The following IGSF11 variants were observed in gnomAD, a reference collection of about 807,000 sequenced individuals.
The protein encoded by IGSF11 is immunoglobulin superfamily member 11, also known as CXADR like 1.
IGSF11 carries 22 observed loss-of-function variants against 41.0 expected under a neutral mutation model. The ratio of observed to expected loss-of-function variants is 0.54; its 90% CI spans 0.38 to 0.77. IGSF11 has a LOEUF of 0.77. Among genes scored for constraint, IGSF11 ranks in the 30% least tolerant of loss-of-function variants. The pLI is 0.00. For missense variants in IGSF11, 444 were observed against 530.8 expected (o/e 0.84, Z 1.61); for synonymous variants, 219 against 201.3 (o/e 1.09, Z -0.74).
chr3:119,033,942 A>G (rs938841687), intron 1 of IGSF11, among the ~76,000 whole-genome samples: 17 of 152,220 alleles, frequency 1.1e-4, no homozygotes, highest in African/African-American at 4.1e-4. Flanking sequence ...TAATATTGTT[A>G]TATTCTATGT....
At chr3:118,946,229 C>CATATAT (rs573595683) in intron 1 of IGSF11, among the ~76,000 whole-genome samples, 2 of 147,824 alleles carry the variant, frequency 1.4e-5, no homozygotes, top group African/African-American at 5.1e-5. Flanking sequence ...CACACACAAA[C>CATATAT]ATATATATAT....
At chr3:119,089,551 A>C (rs1394932977) in intron 1 of IGSF11, among the ~76,000 whole-genome samples, 2 of 152,172 alleles carry the variant, frequency 1.3e-5, no homozygotes, top group Non-Finnish European at 2.9e-5. Flanking sequence ...CCACTCCTAT[A>C]CAATATAGTA....
chr3:119,048,059 T>C lies in IGSF11; in HGVS notation c.49+57085A>G, dbSNP rs1159399515. Reference sequence around the variant, plus strand: ...AAGAGAAAGCAGGAAAGATCCAAAATTGACACCCTAACATCACAATTAAAA... The same window carrying C: ...AAGAGAAAGCAGGAAAGATCCAAAACTGACACCCTAACATCACAATTAAAA... On this transcript the variant is annotated intron_variant, in intron 1 of 6. Coordinates refer to the IGSF11 transcript ENST00000354673. Among the ~76,000 whole-genome samples the C allele has an allele frequency of 8.3e-4, 125 of 150,418 alleles. 2 individuals carry two copies. Among genetic ancestry groups the C allele is most frequent in the Non-Finnish European group, 1.0e-3 (70 of 67,100 alleles).
rs9834807 is a variant in IGSF11 at position 118,925,426 on chromosome 3, G to A, written c.580+675C>T. Among the ~76,000 whole-genome samples the A allele has an allele frequency of 5.0e-3, 768 of 152,244 alleles. 4 individuals carry two copies. Among genetic ancestry groups the A allele is most frequent in the Non-Finnish European group, 9.1e-3 (622 of 68,002 alleles). ...CTGTATTAGAGATGACGTAATATTC[G>A]AAGCTGCTAAATTTCATTTTCTTGA... On this transcript the variant is annotated intron_variant, in intron 4 of 6. Transcript: ENST00000393775.
At chr3:119,069,012 C>T (rs1286735482) in intron 1 of IGSF11, among the ~76,000 whole-genome samples, 3 of 150,382 alleles carry the variant, frequency 2.0e-5, no homozygotes, top group African/African-American at 4.9e-5. Context: ...CTGCAAGCTC[C>T]GCCTACCAGG....
intron 1 of IGSF11, among the ~76,000 whole-genome samples, chr3:119,144,979 T>C (rs1056690374): frequency 6.6e-6 from 1 of 152,234 alleles, no homozygotes; most frequent in African/African-American, 2.4e-5. Context: ...CAGTATCCAA[T>C]GGTGTCATGC....
intron 1 of IGSF11, among the ~76,000 whole-genome samples, chr3:119,052,982 C>G (rs771134215): frequency 1.3e-5 from 2 of 152,062 alleles, no homozygotes; most frequent in African/African-American, 2.4e-5. Context: ...AATCAGCATA[C>G]AAGGGACATA....
chr3:118,967,626 T>C (rs1433264205), intron 1 of IGSF11, among the ~76,000 whole-genome samples: 1 of 152,132 alleles, frequency 6.6e-6, no homozygotes, highest in East Asian at 1.9e-4. Context: ...AGAAATTCAG[T>C]AGGTCTCAGC....
chr3:119,087,278 A>G (rs1242099784), intron 1 of IGSF11, among the ~76,000 whole-genome samples: 1 of 152,164 alleles, frequency 6.6e-6, no homozygotes, highest in African/African-American at 2.4e-5. Context: ...ATACTTGCAC[A>G]TGCACGTTTA....
intron 6 of IGSF11, among the ~76,000 whole-genome samples, 171 bp downstream of exon 6, chr3:118,904,477 A>C (rs1004339831): frequency 2.0e-5 from 3 of 152,162 alleles, no homozygotes; most frequent in African/African-American, 7.2e-5. Flanking sequence ...CCAGTGAATA[A>C]AGCTGAGTAG....
intron 1 of IGSF11, among the ~76,000 whole-genome samples, chr3:119,114,257 T>A (rs1202002305): frequency 6.6e-6 from 1 of 152,202 alleles, no homozygotes; most frequent in Non-Finnish European, 1.5e-5. Flanking sequence ...AGAAAATGGG[T>A]TTTTCCTTTT....
At chr3:118,948,108 T>C (rs957836207) in intron 1 of IGSF11, 1 of 152,220 alleles carries the variant, frequency 6.6e-6, no homozygotes. Flanking sequence ...AGAAACATGC[T>C]GTGAAAGTGC....
At chr3:118,903,006 T>A in intron 6 of IGSF11, 45 bp from the exon 7 acceptor site, 3 of 1,521,272 alleles carry the variant, frequency 2.0e-6, no homozygotes, top group Non-Finnish European at 2.7e-6. Context: ...TACTTCAAGT[T>A]AATCCTATCC....
At chr3:118,971,802 C>CAA (rs11370113) in intron 1 of IGSF11, among the ~76,000 whole-genome samples, 2,381 of 88,906 alleles carry the variant, frequency 0.027, 51 homozygotes, top group East Asian at 0.068. Context: ...GACTCCGTCT[C>CAA]AAAAAAAAAA....
intron 1 of IGSF11, among the ~76,000 whole-genome samples, chr3:119,095,809 C>T (rs2076840338): frequency 6.6e-6 from 1 of 152,176 alleles, no homozygotes; most frequent in African/African-American, 2.4e-5. Context: ...AAGAAGTTAC[C>T]TAAACCCTCA....
At chr3:119,024,890 T>C (rs192899777) in intron 1 of IGSF11, among the ~76,000 whole-genome samples, 9 of 152,324 alleles carry the variant, frequency 5.9e-5, no homozygotes, top group East Asian at 1.9e-4. Flanking sequence ...ATTGTCATAC[T>C]TACAGCCTGC....
At chr3:119,056,740 C>A (rs368069689) in intron 1 of IGSF11, among the ~76,000 whole-genome samples, 2 of 152,058 alleles carry the variant, frequency 1.3e-5, no homozygotes, top group South Asian at 4.2e-4. Context: ...ACTGGCAAAC[C>A]GAATCCAGCA....
chr3:118,981,222 T>G (rs1934679199), intron 1 of IGSF11, among the ~76,000 whole-genome samples: 1 of 152,192 alleles, frequency 6.6e-6, no homozygotes. Flanking sequence ...CAGGCTGGAG[T>G]GCAGTGGCGT....
rs199865801 is a variant in IGSF11, at chr3:118,905,599, A to T, written c.700T>A (p.Ser234Thr). 107 of 1,613,732 alleles carry T rather than the reference A, an allele frequency of 6.6e-5. No individual in the cohort carries two copies. The highest frequency in any genetic ancestry group is 8.2e-5 in the Non-Finnish European group (97 of 1,179,790). Residue 234 changes from serine (S) to threonine (T), a missense_variant, in exon 5 of 7, where the codon TCA (serine) becomes ACA (threonine). Physicochemically the swap from Ser to Thr is moderately conservative, Grantham distance 58 (BLOSUM62 1). Around this residue, in one of 3 missense-constraint regions of IGSF11, gnomAD observed 193 missense variants for 283.5 expected, o/e 0.68. Transcript: ENST00000393775. ...ATCAGAATTTCCATATGCTTACGTG[A>T]AATAACCTGGAGATCCAGAAGACAG... Reference protein sequence around the residue: ...STCLLDLQVISPQPRNIGLIA... With the variant: ...STCLLDLQVITPQPRNIGLIA...
Sources: allele counts gnomAD v4.1 joint callset (sites outside exome capture counted in the v4.1 genomes callset), GRCh38; gene constraint gnomAD v4.1.1; regional missense constraint gnomAD v4.1.1; transcripts MANE v1.5; gene names NCBI Gene and HGNC (gene_info 2026-07-23, HGNC 2026-07-21).